The following ABRAXAS2 variants were observed in gnomAD, a reference collection of about 807,000 sequenced individuals.
ABRAXAS2 encodes abraxas 2, BRISC complex subunit.
Under a neutral mutation model 49.0 loss-of-function variants are expected in ABRAXAS2, and 23 were observed. The ratio of observed to expected loss-of-function variants is 0.47; its 90% CI spans 0.34 to 0.66. ABRAXAS2 has a LOEUF of 0.66. Among genes scored for constraint, ABRAXAS2 ranks in the 30% least tolerant of loss-of-function variants. ABRAXAS2 has a pLI of 0.01. For synonymous variants in ABRAXAS2, 168 were observed against 180.2 expected, an observed-to-expected ratio of 0.93 and a Z score of 0.54; for missense variants, 443 against 511.9, an observed-to-expected ratio of 0.87 and a Z score of 1.30.
chr10:124,828,905 T>C (rs1029456546), intron 6 of ABRAXAS2, 30 bp downstream of exon 6: 2 of 1,603,986 alleles, frequency 1.2e-6, no homozygotes, highest in Admixed American at 1.7e-5. Context: ...GCTAGTTTTT[T>C]CTTTTGTCAG....
At position 124,801,920 on chromosome 10, in the gene ABRAXAS2, G is replaced by A. The variant is rs1434461514; in HGVS notation, c.72+19G>A. ...GGACCACGTAGGTGCCGGGCCCCCT[G>A]CCGCGCCCGCTGGGGGCTTTCAGCC... On this transcript the variant is annotated intron_variant, in intron 1 of 8. Transcript: ENST00000298492. The A allele has an allele frequency of 1.9e-6, 3 of 1,610,440 alleles. No homozygotes were observed. Among genetic ancestry groups the A allele is most frequent in the Admixed American group, 1.7e-5 (1 of 59,806 alleles).
rs1402502313 is a variant in ABRAXAS2, at chr10:124,803,200, C to CT, written c.72+1300dup. 5.3e-5 allele frequency among the ~76,000 whole-genome samples: 8 copies of CT among 152,270 alleles called. No individual in the cohort carries two copies. In the East Asian group the frequency reaches 1.5e-3, roughly 29 times the overall value. On this transcript the variant is annotated intron_variant, in intron 1 of 8. Coordinates refer to ENST00000298492, the MANE Select transcript of ABRAXAS2 (RefSeq NM_032182.4). ...GCAAGATTACTGTAAGAACAAGCAG[C>CT]TACCTGTTGAAAAAAATTAATTCAA... is the stretch of plus-strand genomic sequence containing the variant.
chr10:124,801,966 G>A, intron 1 of ABRAXAS2, 65 bp downstream of exon 1: 2 of 1,546,974 alleles, frequency 1.3e-6, no homozygotes, highest in South Asian at 1.1e-5. Context: ...GCCGGCGCTC[G>A]CGGCCAAGCC....
chr10:124,832,919 G>A (rs1353865774), intron 8 of ABRAXAS2, among the ~76,000 whole-genome samples: 3 of 151,618 alleles, frequency 2.0e-5, no homozygotes, highest in African/African-American at 2.4e-5. Context: ...AGACCAAAGC[G>A]GGTGGATCAC....
At chr10:124,832,841 C>CA (rs1173167684) in intron 8 of ABRAXAS2, among the ~76,000 whole-genome samples, 4 of 148,546 alleles carry the variant, frequency 2.7e-5, no homozygotes, top group Non-Finnish European at 5.9e-5. Flanking sequence ...GAGACTGTCT[C>CA]AAAAAAAATA....
intron 2 of ABRAXAS2, among the ~76,000 whole-genome samples, chr10:124,815,485 C>T (rs952070609): frequency 9.2e-5 from 14 of 152,170 alleles, no homozygotes; most frequent in African/African-American, 2.7e-4. Context: ...TGAGCCACTG[C>T]GCCCGGCCTG....
chr10:124,825,426 A>G (rs1342201868), intron 4 of ABRAXAS2, among the ~76,000 whole-genome samples: 1 of 151,212 alleles, frequency 6.6e-6, no homozygotes, highest in Non-Finnish European at 1.5e-5. Context: ...GATATGTTTT[A>G]TGTTCAGTAG....
chr10:124,827,834 A>G (rs926005556), intron 5 of ABRAXAS2, among the ~76,000 whole-genome samples: 2 of 151,804 alleles, frequency 1.3e-5, no homozygotes, highest in East Asian at 1.9e-4. Flanking sequence ...CTGGAAGTTT[A>G]TTTGTTGTAG....
chr10:124,825,575 C>T (rs1314182695), intron 4 of ABRAXAS2, among the ~76,000 whole-genome samples: 1 of 152,076 alleles, frequency 6.6e-6, no homozygotes, highest in East Asian at 1.9e-4. Flanking sequence ...ATGCTAGCCT[C>T]AGCAAAAGTT....
chr10:124,812,459 A>G (rs919194712), intron 2 of ABRAXAS2, among the ~76,000 whole-genome samples: 5 of 152,128 alleles, frequency 3.3e-5, no homozygotes, highest in African/African-American at 4.8e-5. Context: ...GGCTTGGACA[A>G]TATAGCGAGA....
At chr10:124,810,829 C>T (rs1160417348) in intron 2 of ABRAXAS2, among the ~76,000 whole-genome samples, 2 of 151,454 alleles carry the variant, frequency 1.3e-5, no homozygotes, top group Non-Finnish European at 2.9e-5. Flanking sequence ...GATCCATCCG[C>T]CTTGGCCTCC....
chr10:124,835,843 ATCT>A lies in ABRAXAS2; in HGVS notation c.*876_*878del, dbSNP rs1950965810. On this transcript the variant is annotated 3_prime_UTR_variant, in exon 9 of 9. Coordinates refer to ENST00000298492, the MANE Select transcript of ABRAXAS2 (RefSeq NM_032182.4). The stretch of plus-strand genomic sequence containing the variant: ...TACAGAGGAGATATAACTCATTTAG[ATCT>A]TCTGACAAATCCTAGTGTTAGTTTT... 6.6e-6 allele frequency: 1 copy of A among 152,606 alleles called. No homozygotes were observed. Among genetic ancestry groups the A allele is most frequent in the South Asian group, 2.1e-4 (1 of 4,822 alleles). The allele number at this position is 152,606 out of a possible 1,614,324, so 9.5% of individuals were successfully genotyped here.
chr10:124,822,587 G>T (rs1315291519), intron 4 of ABRAXAS2, among the ~76,000 whole-genome samples: 5 of 152,192 alleles, frequency 3.3e-5, no homozygotes, highest in African/African-American at 1.2e-4. Flanking sequence ...GAGGTCAGGA[G>T]TTCAAGACCT....
intron 7 of ABRAXAS2, among the ~76,000 whole-genome samples, chr10:124,830,300 C>G (rs1950923829): frequency 6.6e-6 from 1 of 152,034 alleles, no homozygotes; most frequent in African/African-American, 2.4e-5. Flanking sequence ...TAAAAATTAG[C>G]CAGGTGTGGC....
chr10:124,815,892 CTTTT>C (rs34730970), intron 2 of ABRAXAS2, among the ~76,000 whole-genome samples: 4 of 94,664 alleles, frequency 4.2e-5, no homozygotes, highest in Admixed American at 1.2e-4. Flanking sequence ...GTCCTCGCAG[CTTTT>C]TTTTTTTTTT....
intron 2 of ABRAXAS2, among the ~76,000 whole-genome samples, chr10:124,815,942 G>T (rs1276226049): frequency 6.0e-5 from 8 of 133,688 alleles, no homozygotes; most frequent in African/African-American, 2.3e-4. Flanking sequence ...TCGCTCTGTT[G>T]CCCAGGCTGG....
chr10:124,827,224 A>G (rs1227027235), intron 5 of ABRAXAS2, among the ~76,000 whole-genome samples: 1 of 146,232 alleles, frequency 6.8e-6, no homozygotes, highest in African/African-American at 2.5e-5. Context: ...CAGTGGTGCA[A>G]TCTCGGCTCA....
intron 4 of ABRAXAS2, among the ~76,000 whole-genome samples, chr10:124,821,769 C>T (rs1205383671): frequency 6.6e-6 from 1 of 152,154 alleles, no homozygotes; most frequent in East Asian, 1.9e-4. Flanking sequence ...TCTAAATTAA[C>T]ACAGAGATTT....
chr10:124,803,245 A>G (rs1052871377), intron 1 of ABRAXAS2, among the ~76,000 whole-genome samples: 1 of 152,192 alleles, frequency 6.6e-6, no homozygotes, highest in Non-Finnish European at 1.5e-5. Flanking sequence ...CTTAATATCT[A>G]CTCTGCAAGG....
Sources: allele counts gnomAD v4.1 joint callset (sites outside exome capture counted in the v4.1 genomes callset), GRCh38; gene constraint gnomAD v4.1.1; transcripts MANE v1.5; gene names NCBI Gene and HGNC (gene_info 2026-07-23, HGNC 2026-07-21).